Variants in SUV39H2 observed in about 807,000 individuals in gnomAD.
SUV39H2 encodes SUV39H2 histone lysine methyltransferase.
Under a neutral mutation model 47.5 loss-of-function variants are expected in SUV39H2, and 10 were observed. That is an observed-to-expected ratio of 0.21 (90% confidence interval 0.13 to 0.36). SUV39H2 has a LOEUF of 0.36. Among genes scored for constraint, SUV39H2 ranks in the 10% least tolerant of loss-of-function variants. The pLI is 1.00. For missense variants in SUV39H2, 266 were observed against 487.4 expected (o/e 0.55, Z 4.28); for synonymous variants, 159 against 166.8 (o/e 0.95, Z 0.36).
At chr10:14,885,980 A>G (rs1053489241) in intron 2 of SUV39H2, among the ~76,000 whole-genome samples, 4 of 152,194 alleles carry the variant, frequency 2.6e-5, no homozygotes, top group Admixed American at 6.5e-5. Flanking sequence ...ACATGTTAGC[A>G]TAGGACCAAG....
At chr10:14,887,914 GA>G (rs780773118) in intron 2 of SUV39H2, among the ~76,000 whole-genome samples, 1 of 152,316 alleles carries the variant, frequency 6.6e-6, no homozygotes, top group East Asian at 1.9e-4. Context: ...GGATATGTGG[GA>G]GGGATTTCGA....
intron 2 of SUV39H2, among the ~76,000 whole-genome samples, chr10:14,892,647 T>A (rs980705753): frequency 6.6e-6 from 1 of 152,070 alleles, no homozygotes; most frequent in Non-Finnish European, 1.5e-5. Context: ...ATGCCTTAGG[T>A]TGCTACTTAT....
chr10:14,895,798 C>T (rs748544277), intron 2 of SUV39H2, among the ~76,000 whole-genome samples: 4 of 152,082 alleles, frequency 2.6e-5, no homozygotes, highest in Non-Finnish European at 5.9e-5. Flanking sequence ...GCTGAAATTG[C>T]TTTCAAGAAT....
At position 14,897,010 on chromosome 10, in the gene SUV39H2, CAAT is replaced by C; in HGVS notation, c.345_347del (p.Asn116del). Reference sequence around the variant, plus strand: ...AAGGCAAAGCAATAACTCCAAAAGACAATAACAAAACTTTGAAACCTGCCATTG... The same window carrying C: ...AAGGCAAAGCAATAACTCCAAAAGACAACAAAACTTTGAAACCTGCCATTG... On this transcript the variant is annotated inframe_deletion, in exon 3 of 6. Coordinates refer to ENST00000354919, the MANE Select transcript of SUV39H2 (RefSeq NM_001193424.2). The C allele has an allele frequency of 6.2e-7, 1 of 1,614,010 alleles. No homozygotes were observed. Among genetic ancestry groups the C allele is most frequent in the Non-Finnish European group, 8.5e-7 (1 of 1,180,014 alleles).
chr10:14,884,108 G>T (rs560655854), intron 2 of SUV39H2, among the ~76,000 whole-genome samples: 1 of 152,044 alleles, frequency 6.6e-6, no homozygotes, highest in African/African-American at 2.4e-5. Flanking sequence ...TTCCATTTTC[G>T]GACTATTATA....
At position 14,902,417 on chromosome 10, in the gene SUV39H2, A is replaced by T. The variant is rs1165281122; in HGVS notation, c.1138A>T (p.Ile380Leu). The change falls in exon 6 of 6, where the codon ATA (isoleucine) becomes TTA (leucine). Residue 380 changes from isoleucine to leucine, a missense_variant. By Grantham distance (5) the Ile-to-Leu change is conservative. This residue lies in a region of SUV39H2 where 112 missense variants were observed against 271.9 expected (regional missense o/e 0.41). Transcript: ENST00000354919. ...FDYQMKGSGD[I>L]SSDSIDHSPA... ...TTCTGTGTCTTCAGGTTCTGGAGATATATCTTCAGATTCTATTGACCACAG... is the reference window on the plus strand; with the variant it reads ...TTCTGTGTCTTCAGGTTCTGGAGATTTATCTTCAGATTCTATTGACCACAG... 7 of 1,608,024 alleles carry T rather than the reference A, an allele frequency of 4.4e-6. No homozygotes were observed. The Admixed American group carries it at 1.2e-4, about 27-fold the overall frequency.
chr10:14,901,930 C>G lies in SUV39H2; in HGVS notation c.1127-476C>G, dbSNP rs57848552. On this transcript the variant is annotated intron_variant, in intron 5 of 5. Coordinates refer to ENST00000354919, the MANE Select transcript of SUV39H2 (RefSeq NM_001193424.2). ...CACATACAAATTTATTCTATTCCTACTTGAACCTGGCTTTTAAAAAGAACA... is the reference window on the plus strand; with the variant it reads ...CACATACAAATTTATTCTATTCCTAGTTGAACCTGGCTTTTAAAAAGAACA... Among the ~76,000 whole-genome samples the G allele has an allele frequency of 5.5e-4, 84 of 152,236 alleles. 2 individuals carry two copies. The East Asian group carries it at 0.014, about 26-fold the overall frequency.
chr10:14,892,873 G>T (rs1833434319), intron 2 of SUV39H2, among the ~76,000 whole-genome samples: 1 of 150,826 alleles, frequency 6.6e-6, no homozygotes, highest in Admixed American at 6.6e-5. Flanking sequence ...GGGCTGGAGT[G>T]CAGTGGCTTG....
Position 14,902,403 on chromosome 10 carries a change from C to T in SUV39H2, c.1127-3C>T. ...TCCTATATTTCTTTTTCTGTGTCTT[C>T]AGGTTCTGGAGATATATCTTCAGAT... On this transcript the variant is annotated splice_polypyrimidine_tract_variant and splice_region_variant and intron_variant, in intron 5 of 5. Transcript: ENST00000354919. The T allele has an allele frequency of 6.3e-7, 1 of 1,588,712 alleles. No individual in the cohort carries two copies. The highest frequency in any genetic ancestry group is 8.6e-7 in the Non-Finnish European group (1 of 1,166,188).
intron 3 of SUV39H2, chr10:14,898,997 G>A (rs1833799196): frequency 1.9e-6 from 1 of 513,208 alleles, no homozygotes; most frequent in Non-Finnish European, 3.5e-6. Flanking sequence ...TATAATGAAA[G>A]TAATGCAGTG....
intron 2 of SUV39H2, among the ~76,000 whole-genome samples, chr10:14,887,974 A>G (rs1833266522): frequency 6.6e-6 from 1 of 152,168 alleles, no homozygotes; most frequent in Non-Finnish European, 1.5e-5. Context: ...CCTTCAAGGA[A>G]TAGAGGGTGT....
At chr10:14,900,131 T>A (rs1228312475) in intron 4 of SUV39H2, among the ~76,000 whole-genome samples, 3 of 152,188 alleles carry the variant, frequency 2.0e-5, no homozygotes, top group South Asian at 2.1e-4. Context: ...AATTTAAAGA[T>A]TTGTAGAGTA....
chr10:14,895,531 G>A (rs770479257), intron 2 of SUV39H2, among the ~76,000 whole-genome samples: 1 of 152,154 alleles, frequency 6.6e-6, no homozygotes, highest in Non-Finnish European at 1.5e-5. Flanking sequence ...TTTAAGGGAG[G>A]AAAACATAGT....
chr10:14,897,470 C>G lies in SUV39H2; in HGVS notation c.802C>G (p.Leu268Val). ...SNGRGWGVKT[L>V]VKIKRMSFVM... ...TGGACGTGGCTGGGGTGTAAAGACC[C>G]TTGTGAAGATTAAAAGAATGAGTTT... is the stretch of plus-strand genomic sequence containing the variant. Residue 268 changes from leucine to valine, a missense_variant, in exon 3 of 6, where the codon CTT becomes GTT. Leu to Val is a conservative substitution (Grantham distance 32). Coordinates refer to ENST00000354919, the MANE Select transcript of SUV39H2 (RefSeq NM_001193424.2). 1.3e-6 allele frequency: 2 copies of G among 1,587,282 alleles called. No homozygotes were observed. Among genetic ancestry groups the G allele is most frequent in the East Asian group, 2.2e-5 (1 of 44,524 alleles).
At chr10:14,893,020 T>TTTTA (rs1212806150) in intron 2 of SUV39H2, among the ~76,000 whole-genome samples, 2 of 146,944 alleles carry the variant, frequency 1.4e-5, no homozygotes, top group African/African-American at 5.0e-5. Context: ...TTTTTTTTTT[T>TTTTA]TTGAGACGGA....
intron 3 of SUV39H2, chr10:14,898,039 A>G (rs2131705847): frequency 6.6e-6 from 1 of 151,688 alleles, no homozygotes; most frequent in Middle Eastern, 3.4e-3. Context: ...ACCATTCTCA[A>G]AACTACCATA....
At chr10:14,888,977 C>T (rs759375944) in intron 2 of SUV39H2, among the ~76,000 whole-genome samples, 7 of 152,122 alleles carry the variant, frequency 4.6e-5, no homozygotes, top group African/African-American at 7.2e-5. Flanking sequence ...GTGGCACATT[C>T]GTGTCATCCC....
At chr10:14,881,409 G>C in intron 1 of SUV39H2, 91 bp from the exon 2 acceptor site, 1 of 1,147,888 alleles carries the variant, frequency 8.7e-7, no homozygotes. Context: ...ATTGCCAGTT[G>C]AAAGATGGGG....
rs533020848 is a variant in SUV39H2, at chr10:14,882,195, C to T, written c.177+550C>T. ...GCCTTCCTTTATTGCTCTTAAAAAA[C>T]GGCAGAGTTGTTCTCAAAAGATTTT... is the stretch of plus-strand genomic sequence containing the variant. On this transcript the variant is annotated intron_variant, in intron 2 of 5. Coordinates refer to ENST00000354919, the MANE Select transcript of SUV39H2 (RefSeq NM_001193424.2). Among the ~76,000 whole-genome samples, 8 of 152,332 alleles carry T rather than the reference C, an allele frequency of 5.3e-5. No homozygotes were observed. The East Asian group carries it at 7.7e-4, about 15-fold the overall frequency.
Sources: gnomAD v4.1 joint callset for allele counts (sites outside exome capture counted in the v4.1 genomes callset) on GRCh38, gnomAD v4.1.1 for gene constraint, gnomAD v4.1.1 regional missense constraint, MANE v1.5 for transcripts, NCBI Gene and HGNC (gene_info 2026-07-23, HGNC 2026-07-21) for gene names.